ADAMTS2: variants seen among roughly 807,000 people sequenced by gnomAD.
ADAMTS2 encodes A disintegrin and metalloproteinase with thrombospondin motifs 2.
ADAMTS2 carries 50 observed loss-of-function variants against 123.0 expected under a neutral mutation model. That is an observed-to-expected ratio of 0.41 (90% CI 0.32 to 0.51). ADAMTS2 has a LOEUF of 0.51. ADAMTS2 is among the 20% of genes least tolerant of loss of function. The probability of loss-of-function intolerance (pLI) is 0.35; values close to 1 mark genes in which losing one functional copy is unlikely to be tolerated. For missense variants in ADAMTS2, 1,494 were observed against 1,705.2 expected (o/e 0.88, Z 2.18); for synonymous variants, 678 against 695.4 (o/e 0.98, Z 0.39).
intron 3 of ADAMTS2, among the ~76,000 whole-genome samples, chr5:179,254,670 C>G (rs1448908534): frequency 1.3e-5 from 2 of 152,224 alleles, no homozygotes; most frequent in South Asian, 2.1e-4. Context: ...CACACTCCCT[C>G]TCACTGTCCC....
At chr5:179,276,796 G>A (rs770644133) in intron 2 of ADAMTS2, among the ~76,000 whole-genome samples, 1 of 152,190 alleles carries the variant, frequency 6.6e-6, no homozygotes, top group Non-Finnish European at 1.5e-5. Context: ...GACCCCTTAT[G>A]GCAGCTCCAT....
At chr5:179,161,990 G>A (rs1024310138) in intron 5 of ADAMTS2, among the ~76,000 whole-genome samples, 11 of 152,138 alleles carry the variant, frequency 7.2e-5, no homozygotes, top group Non-Finnish European at 1.5e-4. Flanking sequence ...CAGTGTGAGT[G>A]TCTCCATCCA....
intron 2 of ADAMTS2, among the ~76,000 whole-genome samples, chr5:179,291,798 TC>T (rs996592865): frequency 6.6e-6 from 1 of 151,756 alleles, no homozygotes; most frequent in African/African-American, 2.4e-5. Context: ...GTACAGTGGC[TC>T]AAACACAGCT....
At chr5:179,288,112 G>T (rs1053364698) in intron 2 of ADAMTS2, among the ~76,000 whole-genome samples, 1 of 152,200 alleles carries the variant, frequency 6.6e-6, no homozygotes. Flanking sequence ...TCCATCACAG[G>T]CTGTCATCTC....
chr5:179,310,690 A>G (rs944810012), intron 2 of ADAMTS2, among the ~76,000 whole-genome samples: 1 of 152,144 alleles, frequency 6.6e-6, no homozygotes, highest in African/African-American at 2.4e-5. Context: ...TAAAACCTGC[A>G]TTTTGGCAAG....
At position 179,312,046 on chromosome 5, in the gene ADAMTS2, G is replaced by A. The variant is rs1234513084; in HGVS notation, c.534+31721C>T. 2.6e-5 allele frequency among the ~76,000 whole-genome samples: 4 copies of A among 152,204 alleles called. No homozygotes were observed. The highest frequency in any genetic ancestry group is 4.4e-5 in the Non-Finnish European group (3 of 68,042). On this transcript the variant is annotated intron_variant, in intron 2 of 21. Coordinates refer to ENST00000251582, the MANE Select transcript of ADAMTS2 (RefSeq NM_014244.5). The surrounding 1 kb of genome is among the most constrained non-coding windows in gnomAD (Gnocchi z 4.2). The stretch of plus-strand genomic sequence containing the variant: ...GGCATACTCTAGACCCTCTGCCCCA[G>A]GCTAATGTTAGAAGCTGCAGAGGTG...
intron 4 of ADAMTS2, among the ~76,000 whole-genome samples, chr5:179,201,727 G>A (rs554554145): frequency 8.6e-5 from 13 of 151,730 alleles, no homozygotes; most frequent in African/African-American, 2.4e-4. Context: ...GTTTGAACTC[G>A]GGAGGAAGAG....
intron 2 of ADAMTS2, among the ~76,000 whole-genome samples, chr5:179,281,735 C>T (rs1766917277): frequency 6.6e-6 from 1 of 152,148 alleles, no homozygotes; most frequent in African/African-American, 2.4e-5. Flanking sequence ...GCCAGACTGT[C>T]CTCTACAGGG....
chr5:179,197,973 T>G lies in ADAMTS2; in HGVS notation c.891+9540A>C, dbSNP rs1476001335. Among the ~76,000 whole-genome samples, 1 of 152,212 alleles carries G rather than the reference T, an allele frequency of 6.6e-6. No homozygotes were observed. Among genetic ancestry groups the G allele is most frequent in the Non-Finnish European group, 1.5e-5 (1 of 68,034 alleles). ...TGTGAGCAGAGACTAGCCCAGGCGC[T>G]GGCAGAGCAAGTTTTTGAAAATGTG... On this transcript the variant is annotated intron_variant, in intron 4 of 21. Coordinates refer to ENST00000251582, the MANE Select transcript of ADAMTS2 (RefSeq NM_014244.5). This position sits in a 1 kb window ranked among gnomAD's most constrained non-coding sequence, Gnocchi z 4.2.
intron 5 of ADAMTS2, among the ~76,000 whole-genome samples, chr5:179,167,637 G>A (rs1763733314): frequency 6.6e-6 from 1 of 152,152 alleles, no homozygotes; most frequent in African/African-American, 2.4e-5. Context: ...AGCCAGCCCC[G>A]CAGGCCGCCA....
chr5:179,288,916 A>G (rs1344790680), intron 2 of ADAMTS2, among the ~76,000 whole-genome samples: 6 of 152,226 alleles, frequency 3.9e-5, no homozygotes, highest in Non-Finnish European at 7.3e-5. Flanking sequence ...TGCACAGCAC[A>G]GCACGGCACG....
In ADAMTS2 at chr5:179,303,992, G is replaced by A. The variant is rs545788568; in HGVS notation, c.535-30928C>T. On this transcript the variant is annotated intron_variant, in intron 2 of 21. Coordinates refer to ENST00000251582, the MANE Select transcript of ADAMTS2 (RefSeq NM_014244.5). This position sits in a 1 kb window ranked among gnomAD's most constrained non-coding sequence, Gnocchi z 4.7. ...CTGGGCTCGTGCTTGAGCCGTGCAC[G>A]AGTGGGTCTGACCCTAAACAACACG... 4.6e-5 allele frequency among the ~76,000 whole-genome samples: 7 copies of A among 152,298 alleles called. No homozygotes were observed. Among genetic ancestry groups the A allele is most frequent in the South Asian group, 2.1e-4 (1 of 4,820 alleles).
chr5:179,249,928 G>A (rs1393609052), intron 3 of ADAMTS2, among the ~76,000 whole-genome samples: 2 of 152,140 alleles, frequency 1.3e-5, no homozygotes, highest in African/African-American at 4.8e-5. Flanking sequence ...AAATATAGGT[G>A]CAAAAATCCT....
chr5:179,246,578 C>T (rs572497511), intron 3 of ADAMTS2, among the ~76,000 whole-genome samples: 1 of 152,280 alleles, frequency 6.6e-6, no homozygotes, highest in Non-Finnish European at 1.5e-5. Flanking sequence ...GGGTGAGATG[C>T]ATGCTCAGAA....
chr5:179,133,327 G>A (rs1258607504), intron 13 of ADAMTS2, among the ~76,000 whole-genome samples: 13 of 152,076 alleles, frequency 8.5e-5, no homozygotes, highest in Non-Finnish European at 7.4e-5. Flanking sequence ...GAGTACAATG[G>A]TGCAATCTCA....
Position 179,228,894 on chromosome 5 carries a change from G to A in ADAMTS2, c.689-21179C>T, listed in dbSNP as rs566928313. Among the ~76,000 whole-genome samples the A allele has an allele frequency of 6.6e-5, 10 of 152,272 alleles. No individual in the cohort carries two copies. In the South Asian group the frequency reaches 1.2e-3, roughly 19 times the overall value. ...GTCTGCACTGAAGTCTGTGGTGTGC[G>A]GTCACCTGAGAACAGCTCAGTCAGT... is the stretch of plus-strand genomic sequence containing the variant. On this transcript the variant is annotated intron_variant, in intron 3 of 21. Coordinates refer to ENST00000251582, the MANE Select transcript of ADAMTS2 (RefSeq NM_014244.5). This position sits in a 1 kb window ranked among gnomAD's most constrained non-coding sequence, Gnocchi z 5.2.
intron 8 of ADAMTS2, 62 bp downstream of exon 8, chr5:179,153,987 C>T: frequency 6.4e-7 from 1 of 1,555,554 alleles, no homozygotes; most frequent in Non-Finnish European, 8.7e-7. Context: ...GGGACTTGCA[C>T]CCTCCCAGAG....
chr5:179,128,959 C>A lies in ADAMTS2; in HGVS notation c.2458-841G>T, dbSNP rs1206628882. 1.3e-5 allele frequency among the ~76,000 whole-genome samples: 2 copies of A among 152,014 alleles called. No individual in the cohort carries two copies. Among genetic ancestry groups the A allele is most frequent in the South Asian group, 2.1e-4 (1 of 4,812 alleles). On this transcript the variant is annotated intron_variant, in intron 16 of 21. Coordinates refer to ENST00000251582, the MANE Select transcript of ADAMTS2 (RefSeq NM_014244.5). This position sits in a 1 kb window ranked among gnomAD's most constrained non-coding sequence, Gnocchi z 4.9. ...ACACTCAACAGACTGCAGAAAGAAC[C>A]CCTGTTTGTGGGATGAGAGCAGAAA...
At chr5:179,150,363 C>T (rs1421555138) in intron 10 of ADAMTS2, among the ~76,000 whole-genome samples, 1 of 152,204 alleles carries the variant, frequency 6.6e-6, no homozygotes, top group Admixed American at 6.5e-5. Context: ...CCTCACTGGG[C>T]CCCCAGCAAC....
Sources: gnomAD v4.1 joint callset for allele counts (sites outside exome capture counted in the v4.1 genomes callset) on GRCh38, gnomAD v4.1.1 for gene constraint, Gnocchi (gnomAD v3.1) non-coding constraint, MANE v1.5 for transcripts, NCBI Gene and HGNC (gene_info 2026-07-23, HGNC 2026-07-21) for gene names.